The following PUM3 variants were observed in gnomAD, a reference collection of about 807,000 sequenced individuals.
PUM3 encodes the protein pumilio homolog 3.
A neutral mutation model predicts 84.0 loss-of-function variants in PUM3; 91 were observed. That is an observed-to-expected ratio of 1.08 (90% confidence interval 0.91 to 1.29). The LOEUF (loss-of-function observed/expected upper bound fraction) is 1.29, where lower values mean the gene tolerates loss of function less well. PUM3 is among the 50% of genes most tolerant of loss of function. The probability of loss-of-function intolerance (pLI) is 0.00; values close to 1 mark genes in which losing one functional copy is unlikely to be tolerated. For synonymous variants in PUM3, 321 were observed against 266.7 expected, an observed-to-expected ratio of 1.20 and a Z score of -1.98; for missense variants, 1,067 against 767.5, an observed-to-expected ratio of 1.39 and a Z score of -4.61.
chr9:2,833,670 C>T (rs1470812515), intron 4 of PUM3, among the ~76,000 whole-genome samples: 3 of 141,086 alleles, frequency 2.1e-5, no homozygotes, highest in South Asian at 5.1e-4. Context: ...TCTTAACAGC[C>T]AGAACTTCAG....
rs1168548037 is a variant in PUM3 at position 2,811,452 on chromosome 9, A to G, written c.1544T>C (p.Leu515Pro). Residue 515 changes from leucine to proline, a missense_variant, in exon 15 of 18, where the codon CTG becomes CCG. Physicochemically the swap from Leu to Pro is moderately conservative, Grantham distance 98 (BLOSUM62 -3). Coordinates refer to ENST00000397885, the MANE Select transcript of PUM3 (RefSeq NM_014878.5). ...KSACVLVSDI[L>P]GSATGDVQPT... Reference sequence around the variant, plus strand: ...CTGAACGTCTCCAGTGGCAGATCCCAGAATGTCAGACACCAACACACACGC... The same window carrying G: ...CTGAACGTCTCCAGTGGCAGATCCCGGAATGTCAGACACCAACACACACGC... 6.2e-7 allele frequency: 1 copy of G among 1,614,198 alleles called. No homozygotes were observed.
chr9:2,832,017 A>C (rs561498377), intron 5 of PUM3, among the ~76,000 whole-genome samples: 1 of 152,290 alleles, frequency 6.6e-6, no homozygotes, highest in Admixed American at 6.5e-5. Flanking sequence ...TCCACGAATC[A>C]TCCATCATGC....
intron 5 of PUM3, among the ~76,000 whole-genome samples, chr9:2,831,891 T>C (rs10125846): frequency 0.55 from 83,914 of 152,002 alleles, 23,358 homozygotes; most frequent in South Asian, 0.62. Flanking sequence ...TTATAATTCC[T>C]GCACATATAT....
In PUM3 at chr9:2,829,972, A is replaced by G. The variant is rs753080353; in HGVS notation, c.678-24T>C. Reference sequence around the variant, plus strand: ...TTCTAAACGCAACACAATCATGGAAAAATAAATGATAGAAGGAGAAAGCTG... The same window carrying G: ...TTCTAAACGCAACACAATCATGGAAGAATAAATGATAGAAGGAGAAAGCTG... On this transcript the variant is annotated intron_variant, in intron 7 of 17. Coordinates refer to ENST00000397885, the MANE Select transcript of PUM3 (RefSeq NM_014878.5). The G allele has an allele frequency of 1.9e-6, 3 of 1,587,976 alleles. No homozygotes were observed. In the Admixed American group the frequency reaches 5.2e-5, roughly 27 times the overall value.
chr9:2,825,288 A>G (rs887193699), intron 10 of PUM3, among the ~76,000 whole-genome samples: 6 of 152,148 alleles, frequency 3.9e-5, no homozygotes, highest in African/African-American at 1.2e-4. Flanking sequence ...TAACTGGATT[A>G]TCTCCAAAAA....
Position 2,828,775 on chromosome 9 carries a change from C to A in PUM3, c.856G>T (p.Ala286Ser). The A allele has an allele frequency of 6.5e-7, 1 of 1,543,374 alleles. No homozygotes were observed. The highest frequency in any genetic ancestry group is 9.0e-7 in the Non-Finnish European group (1 of 1,117,118). Residue 286 changes from alanine to serine, a missense_variant, in exon 9 of 18, where the codon GCA (alanine) becomes TCA (serine). Coordinates refer to ENST00000397885, the MANE Select transcript of PUM3 (RefSeq NM_014878.5). ...ACTTTGTCCAGAGTTCGGTGATCTG[C>A]TGACTGCAACAAAACAAAACAATCA... Reference protein sequence around the residue: ...YGNTFQLYKSADHRTLDKVLE... With the variant: ...YGNTFQLYKSSDHRTLDKVLE...
chr9:2,816,568 TCA>T (rs908811270), intron 13 of PUM3, among the ~76,000 whole-genome samples: 3 of 152,096 alleles, frequency 2.0e-5, no homozygotes, highest in African/African-American at 7.2e-5. Flanking sequence ...GCCATGGAGC[TCA>T]CACTGCCAGG....
chr9:2,823,216 TC>T (rs1224218944), intron 12 of PUM3, among the ~76,000 whole-genome samples: 1 of 151,822 alleles, frequency 6.6e-6, no homozygotes, highest in Non-Finnish European at 1.5e-5. Context: ...AAGCAACAAA[TC>T]CCCCAGAAAA....
intron 9 of PUM3, among the ~76,000 whole-genome samples, chr9:2,827,946 C>T (rs569790531): frequency 2.0e-5 from 3 of 152,284 alleles, no homozygotes; most frequent in African/African-American, 7.2e-5. Flanking sequence ...CCCAGGCAGT[C>T]GGGTCCCAAA....
chr9:2,826,188 A>C (rs1815815659), intron 10 of PUM3, among the ~76,000 whole-genome samples: 1 of 152,110 alleles, frequency 6.6e-6, no homozygotes, highest in Non-Finnish European at 1.5e-5. Flanking sequence ...CTAAGTTCCA[A>C]ATGATTTTTT....
rs114195905 is a variant in PUM3, at chr9:2,821,696, T to G, written c.1189-1598A>C. ...TGGTTCAACTTCTTTGAAGAGCAAT[T>G]GACAACACCTATACAAATTTAAAAT... On this transcript the variant is annotated intron_variant, in intron 12 of 17. Coordinates refer to ENST00000397885, the MANE Select transcript of PUM3 (RefSeq NM_014878.5). 7.7e-3 allele frequency among the ~76,000 whole-genome samples: 1,165 copies of G among 152,212 alleles called. 9 individuals carry two copies. Among genetic ancestry groups the G allele is most frequent in the African/African-American group, 0.027 (1,107 of 41,532 alleles).
intron 8 of PUM3, 98 bp downstream of exon 8, chr9:2,829,676 C>G: frequency 1.0e-6 from 1 of 1,002,160 alleles, no homozygotes; most frequent in East Asian, 2.5e-5. Flanking sequence ...GAACCAGCCA[C>G]AGTAAAAATA....
At chr9:2,815,026 A>T (rs561905269) in intron 13 of PUM3, among the ~76,000 whole-genome samples, 4 of 152,172 alleles carry the variant, frequency 2.6e-5, no homozygotes, top group Non-Finnish European at 5.9e-5. Flanking sequence ...AGAAACTGGG[A>T]CTTCATGATA....
chr9:2,836,446 C>G (rs886840085), intron 3 of PUM3, among the ~76,000 whole-genome samples: 5 of 152,160 alleles, frequency 3.3e-5, no homozygotes, highest in Admixed American at 2.6e-4. Flanking sequence ...AAATAGAGAG[C>G]AAAGTTCTGG....
intron 16 of PUM3, among the ~76,000 whole-genome samples, chr9:2,809,654 G>GA (rs1397198353): frequency 2.0e-5 from 3 of 152,180 alleles, no homozygotes; most frequent in South Asian, 2.1e-4. Flanking sequence ...CTCAGTAGGG[G>GA]AAAAAAATCT....
At chr9:2,811,923 C>G (rs924149288) in intron 14 of PUM3, among the ~76,000 whole-genome samples, 2 of 151,578 alleles carry the variant, frequency 1.3e-5, no homozygotes, top group African/African-American at 4.8e-5. Flanking sequence ...ACACCATACT[C>G]TAGGGTACTC....
intron 11 of PUM3, among the ~76,000 whole-genome samples, chr9:2,824,243 G>A (rs1484652681): frequency 6.6e-6 from 1 of 152,000 alleles, no homozygotes; most frequent in Non-Finnish European, 1.5e-5. Flanking sequence ...TCTTTTAAAG[G>A]CAGAATTATG....
rs1417343525 is a variant in PUM3, at chr9:2,823,798, CA to C, written c.1170del (p.Tyr390Ter). On this transcript the variant is annotated frameshift_variant, in exon 12 of 18. Coordinates refer to ENST00000397885, the MANE Select transcript of PUM3 (RefSeq NM_014878.5). LOFTEE classifies it high-confidence loss of function. ...ATACTTACATTAGCCACCTTTTCAA[CA>C]TAAGTCTTCATTGTTTTCACAATCA... is the stretch of plus-strand genomic sequence containing the variant. The part of the protein sequence containing the change: ...RKVIVKTMKT[Y>X]VEKVANGQYS... 5 of 1,506,924 alleles carry C rather than the reference CA, an allele frequency of 3.3e-6. No homozygotes were observed. Among genetic ancestry groups the C allele is most frequent in the Non-Finnish European group, 4.5e-6 (5 of 1,102,456 alleles). The allele number at this position is 1,506,924 out of a possible 1,614,324, so 93.3% of individuals were successfully genotyped here.
intron 16 of PUM3, among the ~76,000 whole-genome samples, chr9:2,808,851 G>C (rs1398158393): frequency 6.6e-6 from 1 of 152,172 alleles, no homozygotes; most frequent in South Asian, 2.1e-4. Flanking sequence ...TGATTGACTT[G>C]ACCAAGACAG....
Sources: gnomAD v4.1 joint callset for allele counts (sites outside exome capture counted in the v4.1 genomes callset) on GRCh38, gnomAD v4.1.1 for gene constraint, MANE v1.5 for transcripts, NCBI Gene and HGNC (gene_info 2026-07-23, HGNC 2026-07-21) for gene names.